Variants in NRXN3 observed in about 807,000 individuals in gnomAD.
NRXN3 encodes neurexin 3.
NRXN3 carries 32 observed loss-of-function variants against 137.6 expected under a neutral mutation model. The observed-to-expected ratio is 0.23, with a 90% CI of 0.18 to 0.31. NRXN3 has a LOEUF of 0.31. Among genes scored for constraint, NRXN3 ranks in the 10% least tolerant of loss-of-function variants. The pLI, the probability that NRXN3 is intolerant of heterozygous loss-of-function variation, is 1.00. For synonymous variants in NRXN3, 798 were observed against 784.5 expected, an observed-to-expected ratio of 1.02 and a Z score of -0.29; for missense variants, 1,574 against 2,062.5, an observed-to-expected ratio of 0.76 and a Z score of 4.59.
At chr14:79,728,637 C>T (rs1278872826) in intron 19 of NRXN3, among the ~76,000 whole-genome samples, 1 of 152,228 alleles carries the variant, frequency 6.6e-6, no homozygotes, top group African/African-American at 2.4e-5. Context: ...AGTTATCTCC[C>T]TTGCTGATAT....
At chr14:79,728,532 C>T (rs551173753) in intron 19 of NRXN3, among the ~76,000 whole-genome samples, 81 of 152,302 alleles carry the variant, frequency 5.3e-4, no homozygotes, top group African/African-American at 1.9e-3. Context: ...AAAGGCAAAC[C>T]GCAGCAGGAA....
intron 15 of NRXN3, among the ~76,000 whole-genome samples, chr14:79,395,933 T>TGATA (rs1375904418): frequency 6.6e-6 from 1 of 152,156 alleles, no homozygotes; most frequent in Non-Finnish European, 1.5e-5. Flanking sequence ...TTAAGAAATG[T>TGATA]GATATCATGA....
intron 20 of NRXN3, among the ~76,000 whole-genome samples, chr14:79,805,493 G>A (rs896035944): frequency 1.3e-5 from 2 of 152,164 alleles, no homozygotes; most frequent in South Asian, 4.1e-4. Context: ...CACTGGAGCA[G>A]CAAATGTGTA....
At chr14:78,486,843 G>A (rs1235151769) in intron 4 of NRXN3, among the ~76,000 whole-genome samples, 1 of 152,108 alleles carries the variant, frequency 6.6e-6, no homozygotes, top group Non-Finnish European at 1.5e-5. Context: ...AAGTAGGTGG[G>A]GGTATTGATT....
rs76063678 is a variant in NRXN3 at position 78,388,312 on chromosome 14, G to T, written c.757+90452G>T. Reference sequence around the variant, plus strand: ...AGTGTATGCGCAGCTGCAGGAAAATGGAGCCTACAGCACTGTAGTGAGCCA... The same window carrying T: ...AGTGTATGCGCAGCTGCAGGAAAATTGAGCCTACAGCACTGTAGTGAGCCA... On this transcript the variant is annotated intron_variant, in intron 4 of 20. Transcript: ENST00000335750. 8.3e-3 allele frequency among the ~76,000 whole-genome samples: 1,268 copies of T among 152,284 alleles called. 16 individuals carry two copies. Among genetic ancestry groups the T allele is most frequent in the African/African-American group, 0.029 (1,203 of 41,552 alleles).
intron 4 of NRXN3, among the ~76,000 whole-genome samples, chr14:78,326,648 GAAGT>G: frequency 2.0e-5 from 3 of 152,328 alleles, no homozygotes. Context: ...TCCAGGAGCA[GAAGT>G]AAGATGAAGC....
intron 4 of NRXN3, among the ~76,000 whole-genome samples, chr14:78,376,335 T>C (rs970689863): frequency 3.9e-5 from 6 of 152,180 alleles, no homozygotes; most frequent in Non-Finnish European, 8.8e-5. Context: ...GAATGCATAA[T>C]GCAAACCCAC....
At chr14:79,423,541 G>A (rs2095612532) in intron 15 of NRXN3, among the ~76,000 whole-genome samples, 1 of 152,140 alleles carries the variant, frequency 6.6e-6, no homozygotes, top group Non-Finnish European at 1.5e-5. Flanking sequence ...GTTACTGGTT[G>A]GAAACTTCAG....
chr14:78,218,317 C>T (rs1468317473), intron 1 of NRXN3, among the ~76,000 whole-genome samples: 1 of 152,136 alleles, frequency 6.6e-6, no homozygotes, highest in Non-Finnish European at 1.5e-5. Context: ...GCTCACGCCA[C>T]TGTGCTCCAG....
intron 4 of NRXN3, among the ~76,000 whole-genome samples, chr14:78,561,034 AAC>A: frequency 6.6e-6 from 1 of 152,200 alleles, no homozygotes; most frequent in Non-Finnish European, 1.5e-5. Context: ...AGTGACTTAG[AAC>A]AGCATAGCTT....
chr14:79,245,029 C>G (rs984429851), intron 15 of NRXN3, among the ~76,000 whole-genome samples: 1 of 152,136 alleles, frequency 6.6e-6, no homozygotes, highest in African/African-American at 2.4e-5. Context: ...GTCCCAGTCT[C>G]AAGTCTCCAG....
At chr14:79,776,098 T>C (rs2099096275) in intron 19 of NRXN3, among the ~76,000 whole-genome samples, 2 of 152,170 alleles carry the variant, frequency 1.3e-5, no homozygotes, top group African/African-American at 2.4e-5. Context: ...GTTGGCATCA[T>C]CCTTCAAGGA....
chr14:79,067,966 G>T lies in NRXN3; in HGVS notation c.3262+79825G>T, dbSNP rs943419954. Among the ~76,000 whole-genome samples the T allele has an allele frequency of 4.6e-5, 7 of 152,086 alleles. No homozygotes were observed. The South Asian group carries it at 1.0e-3, about 23-fold the overall frequency. On this transcript the variant is annotated intron_variant, in intron 15 of 20. Coordinates refer to ENST00000335750, the MANE Select transcript of NRXN3 (RefSeq NM_001330195.2). ...AGAGGATTATGAGAACAGACATGAG[G>T]CTATGAATATGTTGAAGGATTGGAA... is the stretch of plus-strand genomic sequence containing the variant.
intron 15 of NRXN3, among the ~76,000 whole-genome samples, chr14:79,053,960 T>C (rs2099647723): frequency 6.6e-6 from 1 of 152,012 alleles, no homozygotes; most frequent in African/African-American, 2.4e-5. Context: ...CTCTTGCAGC[T>C]GGGTCTTAAG....
intron 4 of NRXN3, among the ~76,000 whole-genome samples, chr14:78,362,439 G>A (rs535169648): frequency 3.9e-5 from 6 of 152,034 alleles, no homozygotes; most frequent in African/African-American, 1.2e-4. Context: ...CAACTACTTT[G>A]TTTAATTAAA....
intron 15 of NRXN3, among the ~76,000 whole-genome samples, chr14:79,075,516 C>T (rs747772687): frequency 1.1e-4 from 16 of 152,078 alleles, no homozygotes; most frequent in Non-Finnish European, 2.4e-4. Flanking sequence ...CCTGAAATTT[C>T]GACTTTATAA....
intron 15 of NRXN3, among the ~76,000 whole-genome samples, chr14:79,362,128 T>TTTTTA (rs966460000): frequency 4.7e-5 from 7 of 150,336 alleles, no homozygotes; most frequent in East Asian, 1.9e-4. Flanking sequence ...CCCAGCTAAT[T>TTTTTA]TTTTATTTTA....
intron 15 of NRXN3, among the ~76,000 whole-genome samples, chr14:79,023,168 A>T (rs1004441888): frequency 1.4e-5 from 2 of 145,940 alleles, no homozygotes; most frequent in African/African-American, 5.1e-5. Flanking sequence ...GGGTCTAGGG[A>T]CTGAAACAGT....
At chr14:79,277,356 A>T (rs1345274277) in intron 15 of NRXN3, among the ~76,000 whole-genome samples, 1 of 152,228 alleles carries the variant, frequency 6.6e-6, no homozygotes, top group African/African-American at 2.4e-5. Context: ...GGCCGCCTTA[A>T]GGCCAAAAGT....
Sources: allele counts gnomAD v4.1 joint callset (sites outside exome capture counted in the v4.1 genomes callset), GRCh38; gene constraint gnomAD v4.1.1; transcripts MANE v1.5; gene names NCBI Gene and HGNC (gene_info 2026-07-23, HGNC 2026-07-21).